TYW3: variants seen among roughly 807,000 people sequenced by gnomAD.
TYW3 encodes the protein tRNA-yW synthesizing protein 3 homolog.
Under a neutral mutation model 23.1 loss-of-function variants are expected in TYW3, and 26 were observed. The ratio of observed to expected loss-of-function variants is 1.13; its 90% CI spans 0.83 to 1.56. The LOEUF (loss-of-function observed/expected upper bound fraction) is 1.56, where lower values mean the gene tolerates loss of function less well. TYW3 is among the 40% of genes most tolerant of loss of function. The pLI is 0.00. For missense variants in TYW3, 316 were observed against 311.9 expected, an observed-to-expected ratio of 1.01 and a Z score of -0.10; for synonymous variants, 102 against 105.7, an observed-to-expected ratio of 0.97 and a Z score of 0.21.
chr1:74,733,415 C>G lies in TYW3; in HGVS notation c.171C>G (p.Asp57Glu). 2 of 1,614,140 alleles carry G rather than the reference C, an allele frequency of 1.2e-6. No individual in the cohort carries two copies. The highest frequency in any genetic ancestry group is 1.7e-6 in the Non-Finnish European group (2 of 1,179,992). ...GCGCTGGCCGCATCCTACTCCTTGA[C>G]CGGGTGAGGCCCCTTTGCGCCTGTC... is the stretch of plus-strand genomic sequence containing the variant. ...SSCAGRILLL[D>E]RGINGFEVQK... Residue 57 changes from aspartate to glutamate, a missense_variant, in exon 1 of 6, where the codon GAC (aspartate) becomes GAG (glutamate). Physicochemically the swap from Asp to Glu is conservative, Grantham distance 45. Transcript: ENST00000370867.
At chr1:74,760,701 G>C (rs1449096828) in intron 5 of TYW3, among the ~76,000 whole-genome samples, 1 of 152,200 alleles carries the variant, frequency 6.6e-6, no homozygotes, top group Non-Finnish European at 1.5e-5. Context: ...TGGGCACTTG[G>C]CCTGTCACAT....
At position 74,765,942 on chromosome 1, in the gene TYW3, G is replaced by A. The variant is rs1649293533; in HGVS notation, c.*1829G>A. 6.6e-6 allele frequency: 1 copy of A among 152,138 alleles called. No individual in the cohort carries two copies. The highest frequency in any genetic ancestry group is 6.6e-5 in the Admixed American group (1 of 15,250). The allele number at this position is 152,138 out of a possible 1,614,324, so 9.4% of individuals were successfully genotyped here. A position where few individuals can be genotyped will look rare whatever the true frequency, so the allele number is the denominator to read the frequency against. On this transcript the variant is annotated 3_prime_UTR_variant, in exon 6 of 6. Transcript: ENST00000370867. ...CACCAGGTGCTGGCCATAAACCTAA[G>A]AAGACATTGAATCCCATTCACTCCT...
At chr1:74,733,897 G>A (rs1648021993) in intron 1 of TYW3, among the ~76,000 whole-genome samples, 2 of 152,160 alleles carry the variant, frequency 1.3e-5, no homozygotes, top group African/African-American at 4.8e-5. Flanking sequence ...CTGCCTCCTA[G>A]TGAGCCCCTC....
At chr1:74,754,043 C>G (rs1256443174) in intron 5 of TYW3, among the ~76,000 whole-genome samples, 1 of 152,122 alleles carries the variant, frequency 6.6e-6, no homozygotes, top group Non-Finnish European at 1.5e-5. Flanking sequence ...TTTAAATAAG[C>G]AAAACCCATT....
chr1:74,766,109 A>T lies in TYW3; in HGVS notation c.*1996A>T, dbSNP rs1199966698. 2.0e-5 allele frequency: 3 copies of T among 152,142 alleles called. No individual in the cohort carries two copies. Among genetic ancestry groups the T allele is most frequent in the African/African-American group, 7.2e-5 (3 of 41,442 alleles). The allele number at this position is 152,142 out of a possible 1,614,324, so 9.4% of individuals were successfully genotyped here. ...ATTGCTAGTGATGTGGTCATTGTAA[A>T]GCTGTAGCACAACACATTACCCACG... On this transcript the variant is annotated 3_prime_UTR_variant, in exon 6 of 6. Coordinates refer to ENST00000370867, the MANE Select transcript of TYW3 (RefSeq NM_138467.3).
chr1:74,734,736 TC>T (rs1648080198), intron 1 of TYW3, among the ~76,000 whole-genome samples: 1 of 152,220 alleles, frequency 6.6e-6, no homozygotes, highest in South Asian at 2.1e-4. Context: ...CTCTGCCCCT[TC>T]CTGTTCTATG....
intron 3 of TYW3, among the ~76,000 whole-genome samples, chr1:74,739,411 A>G (rs997930867): frequency 6.6e-6 from 1 of 152,266 alleles, no homozygotes; most frequent in African/African-American, 2.4e-5. Flanking sequence ...TACCGAAGGA[A>G]AAAACAACCT....
intron 3 of TYW3, chr1:74,748,548 A>G (rs1334621169): frequency 1.1e-5 from 6 of 535,150 alleles, no homozygotes; most frequent in African/African-American, 5.8e-5. Flanking sequence ...TGACACATCC[A>G]TAGTTCATAT....
Position 74,737,977 on chromosome 1 carries a change from A to G in TYW3, c.256-713A>G, listed in dbSNP as rs144242388. ...CTGCAGTAGCTCCCAGACCCTGAAC[A>G]CTGCCCCATAGGGTCTGAAATACAG... On this transcript the variant is annotated intron_variant, in intron 2 of 5. Transcript: ENST00000370867. Among the ~76,000 whole-genome samples, 294 of 152,272 alleles carry G rather than the reference A, an allele frequency of 1.9e-3. 1 individual carries two copies. The highest frequency in any genetic ancestry group is 6.8e-3 in the African/African-American group (282 of 41,556).
intron 1 of TYW3, among the ~76,000 whole-genome samples, chr1:74,735,196 A>G (rs573194691): frequency 1.3e-5 from 2 of 152,342 alleles, no homozygotes; most frequent in Admixed American, 6.5e-5. Flanking sequence ...ATTTTTCTAC[A>G]TCAGAAAATC....
chr1:74,757,254 G>A (rs1648986029), intron 5 of TYW3, among the ~76,000 whole-genome samples: 1 of 152,160 alleles, frequency 6.6e-6, no homozygotes, highest in Non-Finnish European at 1.5e-5. Context: ...CAGAATGATA[G>A]ATCCACCGAC....
intron 2 of TYW3, among the ~76,000 whole-genome samples, chr1:74,738,487 G>T (rs1380988355): frequency 6.6e-6 from 1 of 152,128 alleles, no homozygotes; most frequent in Non-Finnish European, 1.5e-5. Flanking sequence ...GAAGATTTAC[G>T]GGAGAACTAG....
At chr1:74,741,212 G>A (rs1037814570) in intron 3 of TYW3, among the ~76,000 whole-genome samples, 1 of 151,966 alleles carries the variant, frequency 6.6e-6, no homozygotes, top group Non-Finnish European at 1.5e-5. Context: ...GTAAAGAGAG[G>A]TGTTAAAGAT....
At position 74,738,925 on chromosome 1, in the gene TYW3, C is replaced by A. The variant is rs556904239; in HGVS notation, c.354+137C>A. On this transcript the variant is annotated intron_variant, in intron 3 of 5. Coordinates refer to ENST00000370867, the MANE Select transcript of TYW3 (RefSeq NM_138467.3). ...TGTATATATTATTTATTGGTCTGCT[C>A]AATCTATTAATTTTTAATATTAGAA... The A allele has an allele frequency of 8.6e-6, 4 of 463,410 alleles. No homozygotes were observed. The East Asian group carries it at 1.4e-4, about 16-fold the overall frequency. The allele number at this position is 463,410 out of a possible 1,614,324, so 28.7% of individuals were successfully genotyped here. A position where few individuals can be genotyped will look rare whatever the true frequency, so the allele number is the denominator to read the frequency against.
chr1:74,749,195 C>A (rs1648692366), intron 4 of TYW3, among the ~76,000 whole-genome samples: 1 of 152,190 alleles, frequency 6.6e-6, no homozygotes, highest in Non-Finnish European at 1.5e-5. Flanking sequence ...TCCTCAGTCC[C>A]TCAGGGTTTG....
chr1:74,764,007 A>G lies in TYW3; in HGVS notation c.674A>G (p.Glu225Gly), dbSNP rs956230646. The G allele has an allele frequency of 2.6e-5, 42 of 1,611,612 alleles. 1 individual carries two copies. In the Admixed American group the frequency reaches 4.4e-4, roughly 17 times the overall value. The change falls in exon 6 of 6, where the codon GAA becomes GGA. Residue 225 changes from glutamate (E) to glycine (G), a missense_variant. By Grantham distance (98) the Glu-to-Gly change is moderately conservative. Transcript: ENST00000370867. ...ATTCATAAGAAAAAAAGAAACCCAGAAAAAACACGTGCCCAGTGTATTACT... is the reference window on the plus strand; with the variant it reads ...ATTCATAAGAAAAAAAGAAACCCAGGAAAAACACGTGCCCAGTGTATTACT... ...SYIHKKKRNP[E>G]KTRAQCITKE...
At chr1:74,745,155 A>G (rs1326438329) in intron 3 of TYW3, among the ~76,000 whole-genome samples, 2 of 151,226 alleles carry the variant, frequency 1.3e-5, no homozygotes, top group African/African-American at 2.4e-5. Flanking sequence ...GACTAAAGGA[A>G]TGAAGCCTCA....
At chr1:74,751,223 T>A (rs1377023299) in intron 4 of TYW3, 1 of 152,150 alleles carries the variant, frequency 6.6e-6, no homozygotes, top group East Asian at 1.9e-4. Flanking sequence ...CTCTTCAACA[T>A]TTTCTTGCCA....
intron 5 of TYW3, among the ~76,000 whole-genome samples, chr1:74,755,292 T>C: frequency 6.6e-6 from 1 of 152,248 alleles, no homozygotes. Context: ...CCAGAACGTT[T>C]TCATCATCAC....
Sources: allele counts gnomAD v4.1 joint callset (sites outside exome capture counted in the v4.1 genomes callset), GRCh38; gene constraint gnomAD v4.1.1; transcripts MANE v1.5; gene names NCBI Gene and HGNC (gene_info 2026-07-23, HGNC 2026-07-21).